Variants in ALKBH1 observed in about 807,000 individuals in gnomAD.
ALKBH1 encodes nucleic acid dioxygenase ALKBH1.
A neutral mutation model predicts 36.6 loss-of-function variants in ALKBH1; 31 were observed. That is an observed-to-expected ratio of 0.85 (90% CI 0.64 to 1.14). The LOEUF is 1.14. ALKBH1 is among the 50% of genes most tolerant of loss of function. ALKBH1 has a pLI of 0.00. For synonymous variants in ALKBH1, 183 were observed against 186.6 expected, an observed-to-expected ratio of 0.98 and a Z score of 0.16; for missense variants, 490 against 497.3, an observed-to-expected ratio of 0.99 and a Z score of 0.14.
At chr14:77,687,223 C>T (rs2139851947) in intron 3 of ALKBH1, among the ~76,000 whole-genome samples, 1 of 152,338 alleles carries the variant, frequency 6.6e-6, no homozygotes, top group South Asian at 2.1e-4. Flanking sequence ...TCTAAATTTT[C>T]ACCTGATCCT....
chr14:77,694,038 C>T (rs1226852262), intron 3 of ALKBH1, among the ~76,000 whole-genome samples: 1 of 152,192 alleles, frequency 6.6e-6, no homozygotes, highest in Non-Finnish European at 1.5e-5. Context: ...GTTCACACTT[C>T]TACCCTGCCT....
At chr14:77,684,671 T>C (rs1435381819) in intron 3 of ALKBH1, among the ~76,000 whole-genome samples, 1 of 152,182 alleles carries the variant, frequency 6.6e-6, no homozygotes, top group Non-Finnish European at 1.5e-5. Flanking sequence ...CCTCAGCCTC[T>C]TGAGTAGCTA....
intron 3 of ALKBH1, among the ~76,000 whole-genome samples, chr14:77,681,479 G>A (rs544431823): frequency 4.7e-4 from 71 of 152,300 alleles, no homozygotes; most frequent in Non-Finnish European, 7.6e-4. Flanking sequence ...GATGTTTGAC[G>A]AAGAGTTTAC....
intron 3 of ALKBH1, 67 bp downstream of exon 3, chr14:77,694,671 G>C: frequency 3.0e-6 from 4 of 1,317,988 alleles, no homozygotes; most frequent in Non-Finnish European, 4.0e-6. Flanking sequence ...TTATAGAACA[G>C]TTCCTTCAAA....
In ALKBH1 at chr14:77,704,379, T is replaced by A. The variant is rs764056279; in HGVS notation, c.282A>T (p.Lys94Asn). The A allele has an allele frequency of 6.2e-7, 1 of 1,613,444 alleles. No individual in the cohort carries two copies. The change falls in exon 2 of 6, where the codon AAA becomes AAT. Residue 94 changes from lysine (K) to asparagine (N), a missense_variant. Coordinates refer to ENST00000216489, the MANE Select transcript of ALKBH1 (RefSeq NM_006020.3). ...PVSKWQAYGLKGYPGFIFIPN... is the reference protein window; with the variant it reads ...PVSKWQAYGLNGYPGFIFIPN... Reference sequence around the variant, plus strand: ...GTCAGTTACACTCACCAGGATAGCCTTTGAGTCCATAGGCTTGCCACTTGC... The same window carrying A: ...GTCAGTTACACTCACCAGGATAGCCATTGAGTCCATAGGCTTGCCACTTGC...
intron 3 of ALKBH1, among the ~76,000 whole-genome samples, chr14:77,684,997 G>T (rs1254201017): frequency 6.6e-6 from 1 of 152,134 alleles, no homozygotes; most frequent in African/African-American, 2.4e-5. Flanking sequence ...TCCACCAAAA[G>T]ATTTAGTCTA....
At chr14:77,675,972 G>C (rs1326462795) in intron 4 of ALKBH1, 123 bp from the exon 5 acceptor site, 2 of 758,896 alleles carry the variant, frequency 2.6e-6, no homozygotes, top group African/African-American at 3.6e-5. Flanking sequence ...TATTAACACA[G>C]CATTATCTAT....
intron 1 of ALKBH1, among the ~76,000 whole-genome samples, chr14:77,706,742 G>T (rs552064371): frequency 6.6e-6 from 1 of 152,328 alleles, no homozygotes; most frequent in Admixed American, 6.5e-5. Context: ...GAGAGAAAAA[G>T]TATATTATTA....
chr14:77,706,605 GTA>G (rs1474220544), intron 1 of ALKBH1, among the ~76,000 whole-genome samples: 2 of 152,124 alleles, frequency 1.3e-5, no homozygotes, highest in African/African-American at 4.8e-5. Flanking sequence ...ACTGTACTTA[GTA>G]CTGTTTTAGG....
chr14:77,677,464 CAG>C (rs1169031607), intron 4 of ALKBH1, among the ~76,000 whole-genome samples: 10 of 152,310 alleles, frequency 6.6e-5, no homozygotes, highest in African/African-American at 2.4e-4. Flanking sequence ...ATGTACCTGA[CAG>C]ACTCTTCTTT....
chr14:77,684,775 T>C (rs888370020), intron 3 of ALKBH1, among the ~76,000 whole-genome samples: 6 of 152,210 alleles, frequency 3.9e-5, no homozygotes, highest in African/African-American at 1.4e-4. Flanking sequence ...CTTGAACTTC[T>C]AGCTTCAATC....
intron 1 of ALKBH1, among the ~76,000 whole-genome samples, chr14:77,706,291 C>A (rs1489602586): frequency 6.6e-6 from 1 of 152,080 alleles, no homozygotes; most frequent in Non-Finnish European, 1.5e-5. Context: ...GGTACCTAGG[C>A]ACTGGTAAAA....
chr14:77,675,997 T>C, intron 4 of ALKBH1, 148 bp from the exon 5 acceptor site: 1 of 718,794 alleles, frequency 1.4e-6, no homozygotes, highest in Admixed American at 3.0e-5. Context: ...TCTTTTCTTT[T>C]CTTTTTTTTT....
intron 3 of ALKBH1, among the ~76,000 whole-genome samples, chr14:77,688,422 A>C (rs1422112163): frequency 6.6e-6 from 1 of 151,670 alleles, no homozygotes; most frequent in Non-Finnish European, 1.5e-5. Flanking sequence ...TGTCCGGATA[A>C]TTTTTGTAGA....
intron 1 of ALKBH1, among the ~76,000 whole-genome samples, chr14:77,706,654 G>T (rs1265833011): frequency 6.6e-6 from 1 of 152,142 alleles, no homozygotes; most frequent in Non-Finnish European, 1.5e-5. Context: ...TTCCCTGATG[G>T]CTGACATTCT....
At chr14:77,676,967 C>T (rs545611024) in intron 4 of ALKBH1, among the ~76,000 whole-genome samples, 3 of 152,020 alleles carry the variant, frequency 2.0e-5, no homozygotes, top group Admixed American at 2.0e-4. Flanking sequence ...CTTCCCTGGG[C>T]TGTCTCTGTT....
chr14:77,692,971 C>A (rs1005155646), intron 3 of ALKBH1, among the ~76,000 whole-genome samples: 3 of 151,626 alleles, frequency 2.0e-5, no homozygotes, highest in Non-Finnish European at 4.4e-5. Flanking sequence ...TTTGGGAGGC[C>A]GAGGTGGGCA....
chr14:77,695,457 G>A (rs1595056408), intron 2 of ALKBH1, among the ~76,000 whole-genome samples: 1 of 152,146 alleles, frequency 6.6e-6, no homozygotes, highest in East Asian at 1.9e-4. Flanking sequence ...TGCCTATAAG[G>A]GTCACTAATG....
chr14:77,678,302 C>T (rs1246824550), intron 4 of ALKBH1, among the ~76,000 whole-genome samples: 1 of 152,118 alleles, frequency 6.6e-6, no homozygotes, highest in Non-Finnish European at 1.5e-5. Flanking sequence ...CAAAAAATAT[C>T]TAGTTTCCTA....
Sources: gnomAD v4.1 joint callset for allele counts (sites outside exome capture counted in the v4.1 genomes callset) on GRCh38, gnomAD v4.1.1 for gene constraint, MANE v1.5 for transcripts, NCBI Gene and HGNC (gene_info 2026-07-23, HGNC 2026-07-21) for gene names.